The following THOC2 variants were observed in gnomAD, a reference collection of about 807,000 sequenced individuals.
THOC2 encodes the protein THO complex 2.
Under a neutral mutation model 128.4 loss-of-function variants are expected in THOC2, and 10 were observed. The observed-to-expected ratio is 0.08, with a 90% CI of 0.05 to 0.13. The LOEUF (loss-of-function observed/expected upper bound fraction) is 0.13, where lower values mean the gene tolerates loss of function less well. Ranked by LOEUF, THOC2 falls within the 10% of genes least tolerant of loss-of-function variation. THOC2 has a pLI of 1.00. For missense variants in THOC2, 535 were observed against 1,155.7 expected (o/e 0.46, Z 7.79); for synonymous variants, 393 against 396.9 (o/e 0.99, Z 0.12).
intron 11 of THOC2, among the ~76,000 whole-genome samples, chrX:123,666,117 G>T (rs1232255241): frequency 8.9e-6 from 1 of 111,807 alleles, no homozygotes; most frequent in Admixed American, 9.5e-5. Flanking sequence ...TCAGAGAAGT[G>T]TGGATTTCAA....
chrX:123,685,572 A>C (rs1203756764), intron 8 of THOC2, among the ~76,000 whole-genome samples: 1 of 112,023 alleles, frequency 8.9e-6, no homozygotes, highest in East Asian at 2.8e-4. Context: ...TAGTCACTTA[A>C]TATGACTAGA....
chrX:123,692,656 C>T, intron 7 of THOC2, among the ~76,000 whole-genome samples: 1 of 110,195 alleles, frequency 9.1e-6, no homozygotes, highest in Non-Finnish European at 1.9e-5. Flanking sequence ...CATGTGCCAC[C>T]ATGCCCAACT....
chrX:123,661,858 C>T (rs756506744), intron 12 of THOC2, among the ~76,000 whole-genome samples: 5 of 111,551 alleles, frequency 4.5e-5, no homozygotes, highest in Admixed American at 9.5e-5. Flanking sequence ...CCAGGCATGG[C>T]GCATGCACCT....
Position 123,661,405 on chromosome X carries a change from C to CA in THOC2, c.1386+4236dup, listed in dbSNP as rs755285213. ...GGGCGACAAGAGCGAAACTCCATCT[C>CA]AAAAAAAAACAAAACAAAACAAACA... is the stretch of plus-strand genomic sequence containing the variant. On this transcript the variant is annotated intron_variant, in intron 12 of 38. Coordinates refer to ENST00000245838, the MANE Select transcript of THOC2 (RefSeq NM_001081550.2). Among the ~76,000 whole-genome samples, 77 of 101,638 alleles carry CA rather than the reference C, an allele frequency of 7.6e-4. 1 individual carries two copies. The highest frequency in any genetic ancestry group is 5.1e-4 in the African/African-American group (14 of 27,699). The allele number at this position is 101,638 out of a possible 115,157, so 88.3% of individuals were successfully genotyped here.
At chrX:123,690,278 T>TG (rs1178139609) in intron 7 of THOC2, among the ~76,000 whole-genome samples, 1 of 111,311 alleles carries the variant, frequency 9.0e-6, no homozygotes, top group East Asian at 2.8e-4. Context: ...TCAGGGGTAG[T>TG]GGGAGGAATG....
At chrX:123,679,732 T>C (rs1191032557) in intron 8 of THOC2, among the ~76,000 whole-genome samples, 3 of 112,051 alleles carry the variant, frequency 2.7e-5, no homozygotes, top group Non-Finnish European at 5.6e-5. Flanking sequence ...TGTTCTGTAC[T>C]AAGAAAAATT....
chrX:123,703,890 T>TAAAAGAAAAAAA (rs2050811214), intron 3 of THOC2, among the ~76,000 whole-genome samples: 1 of 37,029 alleles, frequency 2.7e-5, no homozygotes, highest in Non-Finnish European at 4.1e-5. Flanking sequence ...ACTCTGTCTT[T>TAAAAGAAAAAAA]AAAAAAAAAA....
chrX:123,610,844 C>CTA, intron 38 of THOC2, 74 bp downstream of exon 38: 1 of 929,714 alleles, frequency 1.1e-6, no homozygotes, highest in South Asian at 2.3e-5. Flanking sequence ...TAAAATGCAT[C>CTA]TAGTTTTTCA....
At position 123,619,428 on chromosome X, in the gene THOC2, G is replaced by A; in HGVS notation, c.4284C>T (p.Leu1428=). Residue 1428 remains leucine (L), a synonymous_variant, in exon 33 of 39, where the codon CTC becomes CTT. Coordinates refer to ENST00000245838, the MANE Select transcript of THOC2 (RefSeq NM_001081550.2). ...PSHSSTVKDS[L]IELKESSAKL... ...TTGCTGAAGATTCCTTGAGTTCGAT[G>A]AGACTGTCCTGTAGAAAATGAATGG... is the stretch of plus-strand genomic sequence containing the variant. 8.3e-7 allele frequency: 1 copy of A among 1,202,399 alleles called. No individual in the cohort carries two copies. Among genetic ancestry groups the A allele is most frequent in the Non-Finnish European group, 1.1e-6 (1 of 889,172 alleles).
chrX:123,683,730 A>C (rs2049887102), intron 8 of THOC2, among the ~76,000 whole-genome samples: 2 of 109,957 alleles, frequency 1.8e-5, no homozygotes, highest in South Asian at 7.8e-4. Context: ...CCTCCCGAGT[A>C]GCTGGGATTA....
chrX:123,717,798 C>A (rs749782847), intron 1 of THOC2, among the ~76,000 whole-genome samples: 1 of 111,754 alleles, frequency 8.9e-6, no homozygotes, highest in African/African-American at 3.2e-5. Context: ...TCTGTATCCA[C>A]GGGGGATTGG....
At chrX:123,681,611 A>T (rs1222146781) in intron 8 of THOC2, among the ~76,000 whole-genome samples, 2 of 112,132 alleles carry the variant, frequency 1.8e-5, no homozygotes, top group African/African-American at 6.5e-5. Context: ...GAATGGTCTC[A>T]TCAATAAGTC....
intron 19 of THOC2, 58 bp downstream of exon 19, chrX:123,636,021 C>G: frequency 1.0e-6 from 1 of 983,848 alleles, no homozygotes; most frequent in Non-Finnish European, 1.4e-6. Flanking sequence ...GTCTCAATAA[C>G]CCCAAACCAC....
At chrX:123,715,560 T>C (rs755052495) in intron 1 of THOC2, among the ~76,000 whole-genome samples, 51 of 109,149 alleles carry the variant, frequency 4.7e-4, no homozygotes, top group African/African-American at 1.5e-3. Context: ...GGCGGGCAGA[T>C]AGCTTGAGCT....
rs994654137 is a variant in THOC2, at chrX:123,691,536, G to T, written c.601+4485C>A. ...AAAAATAAAAATCGTTTGGCTTAAGGATTTATTTTGTTTTTAATGTTACTC... is the reference window on the plus strand; with the variant it reads ...AAAAATAAAAATCGTTTGGCTTAAGTATTTATTTTGTTTTTAATGTTACTC... On this transcript the variant is annotated intron_variant, in intron 7 of 38. Coordinates refer to ENST00000245838, the MANE Select transcript of THOC2 (RefSeq NM_001081550.2). Among the ~76,000 whole-genome samples, 4 of 111,508 alleles carry T rather than the reference G, an allele frequency of 3.6e-5. No homozygotes were observed. The East Asian group carries it at 1.1e-3, about 31-fold the overall frequency.
chrX:123,668,013 A>T, intron 10 of THOC2, 146 bp downstream of exon 10: 1 of 397,855 alleles, frequency 2.5e-6, no homozygotes, highest in Non-Finnish European at 4.1e-6. Context: ...TAAAAATAAA[A>T]CCACTGTAGC....
chrX:123,705,073 T>C lies in THOC2; in HGVS notation c.223-1568A>G, dbSNP rs1162594279. ...GCCTATTTTCAGAAACTAAAAGAAATTCTAAAGAAAAATCTGGCAGCTGCA... is the reference window on the plus strand; with the variant it reads ...GCCTATTTTCAGAAACTAAAAGAAACTCTAAAGAAAAATCTGGCAGCTGCA... On this transcript the variant is annotated intron_variant, in intron 3 of 38. Transcript: ENST00000245838. Among the ~76,000 whole-genome samples the C allele has an allele frequency of 1.1e-4, 12 of 111,260 alleles. No individual in the cohort carries two copies. The Admixed American group carries it at 1.2e-3, about 11-fold the overall frequency.
At position 123,704,996 on chromosome X, in the gene THOC2, G is replaced by A. The variant is rs188012244; in HGVS notation, c.223-1491C>T. On this transcript the variant is annotated intron_variant, in intron 3 of 38. Transcript: ENST00000245838. ...CTATTTTCCATTAGAAGGGATCATA[G>A]TTCACTTACTGCAGTTAACAGTTGG... 1.1e-4 allele frequency among the ~76,000 whole-genome samples: 12 copies of A among 112,322 alleles called. No individual in the cohort carries two copies. The East Asian group carries it at 3.3e-3, about 31-fold the overall frequency.
intron 8 of THOC2, 65 bp downstream of exon 8, chrX:123,686,483 T>A: frequency 1.1e-6 from 1 of 916,831 alleles, no homozygotes; most frequent in Non-Finnish European, 1.5e-6. Flanking sequence ...TAAAACAAAT[T>A]AAATTATATA....
Sources: allele counts gnomAD v4.1 joint callset (sites outside exome capture counted in the v4.1 genomes callset), GRCh38; gene constraint gnomAD v4.1.1; transcripts MANE v1.5; gene names NCBI Gene and HGNC (gene_info 2026-07-23, HGNC 2026-07-21).